GAB4: variants seen among roughly 807,000 people sequenced by gnomAD.
GAB4 encodes the protein GRB2-associated-binding protein 4.
Under a neutral mutation model 51.3 loss-of-function variants are expected in GAB4, and 26 were observed. The ratio of observed to expected loss-of-function variants is 0.51; its 90% CI spans 0.37 to 0.70. The LOEUF is 0.70. Among genes scored for constraint, GAB4 ranks in the 30% least tolerant of loss-of-function variants. The pLI, the probability that GAB4 is intolerant of heterozygous loss-of-function variation, is 0.00. For missense variants in GAB4, 759 were observed against 734.6 expected (o/e 1.03, Z -0.38); for synonymous variants, 329 against 291.2 (o/e 1.13, Z -1.32).
chr22:17,005,533 C>T (rs1409615866), intron 1 of GAB4, among the ~76,000 whole-genome samples: 11 of 152,080 alleles, frequency 7.2e-5, no homozygotes, highest in African/African-American at 2.7e-4. Context: ...AAAAAGAGCC[C>T]GTATAGCCAA....
chr22:16,977,740 T>C (rs1436301649), intron 3 of GAB4, among the ~76,000 whole-genome samples: 4 of 151,988 alleles, frequency 2.6e-5, no homozygotes, highest in Admixed American at 2.6e-4. Context: ...GAGCACCACA[T>C]AGCACTCACT....
intron 1 of GAB4, among the ~76,000 whole-genome samples, chr22:16,995,242 C>T (rs568464595): frequency 3.3e-5 from 5 of 152,208 alleles, no homozygotes; most frequent in South Asian, 4.1e-4. Flanking sequence ...GATAGTTGGG[C>T]GGATAATGGA....
At chr22:16,997,846 T>A (rs1433653015) in intron 1 of GAB4, among the ~76,000 whole-genome samples, 1 of 152,230 alleles carries the variant, frequency 6.6e-6, no homozygotes, top group African/African-American at 2.4e-5. Context: ...AGGGATCCAG[T>A]TTCAGCTTTC....
chr22:16,983,767 T>C (rs1344996457), intron 3 of GAB4, among the ~76,000 whole-genome samples: 1 of 152,234 alleles, frequency 6.6e-6, no homozygotes, highest in Non-Finnish European at 1.5e-5. Flanking sequence ...TGAATGAAAC[T>C]AGAGCCCTAT....
At chr22:16,984,544 G>A (rs556489300) in intron 3 of GAB4, among the ~76,000 whole-genome samples, 3 of 152,336 alleles carry the variant, frequency 2.0e-5, no homozygotes, top group Admixed American at 6.5e-5. Flanking sequence ...CTGAGAAAAT[G>A]TGAATTACAT....
chr22:16,986,672 C>G (rs1359313088), intron 3 of GAB4, among the ~76,000 whole-genome samples: 1 of 152,208 alleles, frequency 6.6e-6, no homozygotes, highest in Non-Finnish European at 1.5e-5. Flanking sequence ...CTGCCTATCC[C>G]TGGTCTGGGA....
intron 1 of GAB4, among the ~76,000 whole-genome samples, chr22:16,992,924 C>T (rs2123708759): frequency 6.6e-6 from 1 of 152,220 alleles, no homozygotes; most frequent in Admixed American, 6.5e-5. Context: ...TGGGGTCTCA[C>T]TATGTTGCCT....
chr22:16,972,095 G>A (rs375613103), intron 3 of GAB4, among the ~76,000 whole-genome samples: 9 of 152,350 alleles, frequency 5.9e-5, no homozygotes, highest in East Asian at 5.8e-4. Flanking sequence ...TGGTGGATAT[G>A]CCACCTGGAT....
At position 17,008,076 on chromosome 22, in the gene GAB4, G is replaced by C; in HGVS notation, c.39C>G (p.Cys13Trp). Residue 13 changes from cysteine to tryptophan, a missense_variant, in exon 1 of 10, where the codon TGC (cysteine) becomes TGG (tryptophan). Cys to Trp is a radical substitution (Grantham distance 215). Transcript: ENST00000400588. ...AAGGCGCAAATGCCGGGTCAGGTGG[G>C]CACAGCTCCCGGGAGGGTGAGGGGG... ...LPSPSPSREL[C>W]PPDPAFAPLS... The C allele has an allele frequency of 6.2e-7, 1 of 1,607,832 alleles. No homozygotes were observed. The highest frequency in any genetic ancestry group is 1.1e-5 in the South Asian group (1 of 89,814).
chr22:17,005,232 G>A (rs1215418223), intron 1 of GAB4, among the ~76,000 whole-genome samples: 1 of 152,118 alleles, frequency 6.6e-6, no homozygotes, highest in African/African-American at 2.4e-5. Flanking sequence ...GCCAAATCAT[G>A]AGTGAACTCC....
At chr22:16,988,447 G>A (rs981512996) in intron 2 of GAB4, among the ~76,000 whole-genome samples, 2 of 152,176 alleles carry the variant, frequency 1.3e-5, no homozygotes, top group Non-Finnish European at 2.9e-5. Context: ...GTCCAGGAGT[G>A]TGGTCCGGGC....
At chr22:16,963,637 C>G in intron 9 of GAB4, 88 bp downstream of exon 9, 2 of 895,340 alleles carry the variant, frequency 2.2e-6, no homozygotes, top group Middle Eastern at 3.2e-4. Context: ...CCCAGCAGCC[C>G]AGTGCTGCCG....
intron 8 of GAB4, among the ~76,000 whole-genome samples, chr22:16,964,163 C>G (rs1013710674): frequency 1.3e-5 from 2 of 152,128 alleles, no homozygotes; most frequent in African/African-American, 2.4e-5. Flanking sequence ...GAGCCTACCC[C>G]CTTGGCAGCT....
At chr22:16,996,636 G>C (rs2060951337) in intron 1 of GAB4, among the ~76,000 whole-genome samples, 1 of 152,098 alleles carries the variant, frequency 6.6e-6, no homozygotes, top group African/African-American at 2.4e-5. Context: ...CAAGCCAAAA[G>C]AGAGTGAGGG....
intron 3 of GAB4, among the ~76,000 whole-genome samples, chr22:16,981,200 A>C (rs1249502847): frequency 6.6e-6 from 1 of 150,932 alleles, no homozygotes; most frequent in Admixed American, 6.6e-5. Context: ...AGTAAGGAGT[A>C]GAAAAAAACT....
At chr22:16,973,514 C>T (rs530175810) in intron 3 of GAB4, among the ~76,000 whole-genome samples, 8 of 152,188 alleles carry the variant, frequency 5.3e-5, no homozygotes, top group Non-Finnish European at 1.2e-4. Flanking sequence ...CTCAGATACT[C>T]ACCCCTGAGT....
At chr22:16,981,786 A>C (rs2060829313) in intron 3 of GAB4, among the ~76,000 whole-genome samples, 1 of 152,172 alleles carries the variant, frequency 6.6e-6, no homozygotes, top group Admixed American at 6.5e-5. Flanking sequence ...TCCTGATACC[A>C]AAAACAGACA....
At chr22:16,986,225 G>T (rs2060866177) in intron 3 of GAB4, among the ~76,000 whole-genome samples, 1 of 152,204 alleles carries the variant, frequency 6.6e-6, no homozygotes, top group Non-Finnish European at 1.5e-5. Context: ...CTCAGTCTGT[G>T]TCAGCAAGGC....
rs556923136 is a variant in GAB4, at chr22:16,995,829, CA to C, written c.175-3654del. Among the ~76,000 whole-genome samples, 4 of 152,288 alleles carry C rather than the reference CA, an allele frequency of 2.6e-5. No individual in the cohort carries two copies. In the South Asian group the frequency reaches 8.3e-4, roughly 32 times the overall value. On this transcript the variant is annotated intron_variant, in intron 1 of 9. Coordinates refer to ENST00000400588, the MANE Select transcript of GAB4 (RefSeq NM_001037814.1). Reference sequence around the variant, plus strand: ...GATCACCAACATCAAAGACCAAAAACAGACAAATTCACAAAGATGAGGAAAA... The same window carrying C: ...GATCACCAACATCAAAGACCAAAAACGACAAATTCACAAAGATGAGGAAAA...
Sources: gnomAD v4.1 joint callset for allele counts (sites outside exome capture counted in the v4.1 genomes callset) on GRCh38, gnomAD v4.1.1 for gene constraint, MANE v1.5 for transcripts, NCBI Gene and HGNC (gene_info 2026-07-23, HGNC 2026-07-21) for gene names.